The following AUTS2 variants were observed in gnomAD, a reference collection of about 807,000 sequenced individuals.
AUTS2 encodes the protein autism susceptibility gene 2 protein.
Under a neutral mutation model 112.4 loss-of-function variants are expected in AUTS2, and 17 were observed. The ratio of observed to expected loss-of-function variants is 0.15; its 90% CI spans 0.10 to 0.23. AUTS2 has a LOEUF of 0.23. AUTS2 is among the 10% of genes least tolerant of loss of function. The probability of loss-of-function intolerance (pLI) is 1.00; values close to 1 mark genes in which losing one functional copy is unlikely to be tolerated. For synonymous variants in AUTS2, 751 were observed against 702.7 expected (o/e 1.07, Z -1.09); for missense variants, 1,510 against 1,701.6 (o/e 0.89, Z 1.98).
intron 4 of AUTS2, among the ~76,000 whole-genome samples, chr7:70,323,804 T>A (rs181686243): frequency 2.6e-5 from 4 of 152,338 alleles, no homozygotes; most frequent in Admixed American, 2.6e-4. Context: ...CAGATGGTAA[T>A]GCCTTCTGAA....
At chr7:70,617,228 T>C (rs539867901) in intron 5 of AUTS2, among the ~76,000 whole-genome samples, 42 of 152,306 alleles carry the variant, frequency 2.8e-4, no homozygotes, top group African/African-American at 9.9e-4. Flanking sequence ...TGCAGACACT[T>C]ACTTCGCATG....
chr7:69,603,834 G>A (rs1792562894), intron 1 of AUTS2, among the ~76,000 whole-genome samples: 1 of 152,118 alleles, frequency 6.6e-6, no homozygotes, highest in African/African-American at 2.4e-5. Context: ...GGGAATGTTG[G>A]GGTCCTACTA....
intron 2 of AUTS2, among the ~76,000 whole-genome samples, chr7:70,016,020 AGAGTGAGG>A (rs1385968766): frequency 2.0e-5 from 3 of 152,196 alleles, no homozygotes; most frequent in Non-Finnish European, 4.4e-5. Flanking sequence ...ACTTGGTTTC[AGAGTGAGG>A]CTGTTGCTTC....
intron 1 of AUTS2, among the ~76,000 whole-genome samples, chr7:69,710,348 G>A (rs1385863648): frequency 6.6e-6 from 1 of 152,144 alleles, no homozygotes; most frequent in Non-Finnish European, 1.5e-5. Context: ...AATTAAGCCT[G>A]TTACTAGTTG....
chr7:70,469,251 T>A (rs543022461), intron 5 of AUTS2, among the ~76,000 whole-genome samples: 5 of 152,206 alleles, frequency 3.3e-5, no homozygotes, highest in African/African-American at 1.2e-4. Flanking sequence ...CAATGTCAGA[T>A]GATGGTAAAG....
chr7:69,698,049 A>G (rs555067764), intron 1 of AUTS2, among the ~76,000 whole-genome samples: 4 of 152,202 alleles, frequency 2.6e-5, no homozygotes, highest in Admixed American at 1.3e-4. Flanking sequence ...CTGTTATCCT[A>G]AGCTTGAGCA....
intron 7 of AUTS2, among the ~76,000 whole-genome samples, chr7:70,764,402 T>C (rs966600381): frequency 2.0e-5 from 3 of 152,056 alleles, no homozygotes; most frequent in African/African-American, 7.2e-5. Context: ...TTATAGGAGA[T>C]GTAGCTAGTG....
chr7:70,761,034 T>C (rs1044521817), intron 6 of AUTS2, among the ~76,000 whole-genome samples: 5 of 152,252 alleles, frequency 3.3e-5, no homozygotes, highest in African/African-American at 1.2e-4. Flanking sequence ...TTTGCTTTTG[T>C]GCATGTTATC....
At chr7:70,185,953 A>C (rs1276215898) in intron 4 of AUTS2, among the ~76,000 whole-genome samples, 4 of 152,246 alleles carry the variant, frequency 2.6e-5, no homozygotes, top group Non-Finnish European at 5.9e-5. Context: ...CATAAAAAAC[A>C]AATAGATCTG....
At chr7:70,229,794 A>G (rs1811949774) in intron 4 of AUTS2, among the ~76,000 whole-genome samples, 2 of 152,174 alleles carry the variant, frequency 1.3e-5, no homozygotes, top group Non-Finnish European at 2.9e-5. Flanking sequence ...ACCTGGATCA[A>G]TCTGTGTTGA....
intron 5 of AUTS2, among the ~76,000 whole-genome samples, chr7:70,634,619 G>A (rs564166604): frequency 6.6e-6 from 1 of 152,282 alleles, no homozygotes; most frequent in Non-Finnish European, 1.5e-5. Flanking sequence ...TCCTGCCCCA[G>A]TGTCAAGGGC....
At chr7:69,712,913 T>C (rs1029853204) in intron 1 of AUTS2, among the ~76,000 whole-genome samples, 2 of 152,240 alleles carry the variant, frequency 1.3e-5, no homozygotes, top group Non-Finnish European at 2.9e-5. Flanking sequence ...ATTTTAGCCA[T>C]TCTAATAGGC....
rs779365190 is a variant in AUTS2 at position 69,648,792 on chromosome 7, T to G, written c.309+48830T>G. On this transcript the variant is annotated intron_variant, in intron 1 of 18. Coordinates refer to ENST00000342771, the MANE Select transcript of AUTS2 (RefSeq NM_015570.4). ...TACATTCTTGCCTTTCTTGTGGGATTTTGTGAAGATTAATATCTGCCAGAT... is the reference window on the plus strand; with the variant it reads ...TACATTCTTGCCTTTCTTGTGGGATGTTGTGAAGATTAATATCTGCCAGAT... 8.1e-4 allele frequency among the ~76,000 whole-genome samples: 124 copies of G among 152,318 alleles called. 1 individual carries two copies. Among genetic ancestry groups the G allele is most frequent in the Non-Finnish European group, 1.1e-3 (76 of 68,032 alleles).
intron 4 of AUTS2, among the ~76,000 whole-genome samples, chr7:70,422,761 G>A (rs935297099): frequency 1.3e-5 from 2 of 152,060 alleles, no homozygotes; most frequent in African/African-American, 2.4e-5. Flanking sequence ...GGGCAACAGA[G>A]TGAGACTCTG....
chr7:70,425,730 C>G (rs1413532759), intron 4 of AUTS2, among the ~76,000 whole-genome samples: 1 of 152,046 alleles, frequency 6.6e-6, no homozygotes, highest in Non-Finnish European at 1.5e-5. Context: ...TTATGCAAGA[C>G]GTATGTGAAA....
chr7:69,618,714 A>T (rs2129088153), intron 1 of AUTS2, among the ~76,000 whole-genome samples: 1 of 152,328 alleles, frequency 6.6e-6, no homozygotes, highest in East Asian at 1.9e-4. Context: ...TTTTCTAGGT[A>T]TGGAAAAGTA....
At chr7:70,731,305 G>C (rs1020925005) in intron 6 of AUTS2, among the ~76,000 whole-genome samples, 4 of 149,958 alleles carry the variant, frequency 2.7e-5, no homozygotes, top group Non-Finnish European at 4.4e-5. Context: ...CCAAATGACG[G>C]TCAAGAAGAT....
At chr7:70,711,730 A>G (rs1810061128) in intron 6 of AUTS2, among the ~76,000 whole-genome samples, 1 of 152,188 alleles carries the variant, frequency 6.6e-6, no homozygotes, top group Non-Finnish European at 1.5e-5. Flanking sequence ...AGCGGCTGTC[A>G]TTTCCATACA....
chr7:70,449,684 A>G (rs1796452309), intron 5 of AUTS2, among the ~76,000 whole-genome samples: 1 of 152,178 alleles, frequency 6.6e-6, no homozygotes, highest in Non-Finnish European at 1.5e-5. Context: ...TCAAATATGG[A>G]TACGTATTTA....
Sources: allele counts gnomAD v4.1 joint callset (sites outside exome capture counted in the v4.1 genomes callset), GRCh38; gene constraint gnomAD v4.1.1; transcripts MANE v1.5; gene names NCBI Gene and HGNC (gene_info 2026-07-23, HGNC 2026-07-21).